PHKB: variants seen among roughly 807,000 people sequenced by gnomAD.
PHKB encodes phosphorylase b kinase regulatory subunit beta.
Under a neutral mutation model 152.1 loss-of-function variants are expected in PHKB, and 122 were observed. The observed-to-expected ratio is 0.80, with a 90% CI of 0.69 to 0.93. The LOEUF (loss-of-function observed/expected upper bound fraction) is 0.93. Ranked by LOEUF, PHKB falls within the 40% of genes least tolerant of loss-of-function variation. The pLI, the probability that PHKB is intolerant of heterozygous loss-of-function variation, is 0.00. For synonymous variants in PHKB, 436 were observed against 464.9 expected (o/e 0.94, Z 0.80); for missense variants, 1,304 against 1,328.4 (o/e 0.98, Z 0.29).
rs1970858920 is a variant in PHKB, at chr16:47,531,360, T to C, written c.594+15759T>C. On this transcript the variant is annotated intron_variant, in intron 6 of 30. Transcript: ENST00000323584. ...GCAAGGGTGTTCAAACTTTTTGATC[T>C]CAAGGTCCTTTATATTCTTAAAATT... Among the ~76,000 whole-genome samples, 3 of 152,344 alleles carry C rather than the reference T, an allele frequency of 2.0e-5. No individual in the cohort carries two copies. In the South Asian group the frequency reaches 6.2e-4, roughly 32 times the overall value.
intron 14 of PHKB, among the ~76,000 whole-genome samples, chr16:47,640,459 T>C (rs1039681710): frequency 3.3e-5 from 5 of 152,188 alleles, no homozygotes; most frequent in Non-Finnish European, 5.9e-5. Flanking sequence ...TTAGAACTAT[T>C]AAGTCCAACA....
intron 7 of PHKB, chr16:47,565,733 CT>C (rs1482659390): frequency 6.7e-6 from 10 of 1,485,110 alleles, no homozygotes; most frequent in Non-Finnish European, 9.3e-6. Flanking sequence ...CTAGTTTTGG[CT>C]CATCCAGCTG....
At chr16:47,594,055 G>T (rs951795521) in intron 11 of PHKB, 82 bp from the exon 12 acceptor site, 5 of 719,900 alleles carry the variant, frequency 6.9e-6, no homozygotes, top group Non-Finnish European at 1.2e-5. Context: ...TTGTAACTGG[G>T]CTAATATATT....
intron 8 of PHKB, among the ~76,000 whole-genome samples, chr16:47,582,479 T>G (rs751599428): frequency 6.6e-6 from 1 of 152,208 alleles, no homozygotes; most frequent in Non-Finnish European, 1.5e-5. Flanking sequence ...GCTGATATTG[T>G]TCCTCAGCCA....
rs1329011784 is a variant in PHKB at position 47,699,638 on chromosome 16, A to G, written c.*272A>G. On this transcript the variant is annotated 3_prime_UTR_variant, in exon 31 of 31. Transcript: ENST00000323584. ...TGATAAAAATAGTTTATGAATTGAA[A>G]ATTTGCCGCTGCATGTTGTATGATC... 2 of 469,430 alleles carry G rather than the reference A, an allele frequency of 4.3e-6. No individual in the cohort carries two copies. Among genetic ancestry groups the G allele is most frequent in the African/African-American group, 2.0e-5 (1 of 51,062 alleles). The allele number at this position is 469,430 out of a possible 1,614,324, so 29.1% of individuals were successfully genotyped here.
intron 1 of PHKB, among the ~76,000 whole-genome samples, chr16:47,484,046 AAAT>A (rs1970010110): frequency 6.6e-6 from 1 of 152,212 alleles, no homozygotes; most frequent in Non-Finnish European, 1.5e-5. Context: ...GACCTCACAG[AAAT>A]CATACAAAAT....
chr16:47,630,898 C>A (rs1255620041), intron 14 of PHKB, among the ~76,000 whole-genome samples: 1 of 152,102 alleles, frequency 6.6e-6, no homozygotes, highest in Non-Finnish European at 1.5e-5. Context: ...GGGACATGGG[C>A]TTTTTTCCTG....
chr16:47,572,276 T>C (rs1971673999), intron 7 of PHKB, among the ~76,000 whole-genome samples: 1 of 152,174 alleles, frequency 6.6e-6, no homozygotes, highest in South Asian at 2.1e-4. Flanking sequence ...GGCTAGAGAA[T>C]ACCCTTTCCA....
intron 7 of PHKB, chr16:47,566,303 G>C: frequency 9.3e-7 from 1 of 1,076,680 alleles, no homozygotes; most frequent in Non-Finnish European, 1.4e-6. Context: ...GAGCCCTTCA[G>C]TCTGTATCTG....
intron 1 of PHKB, among the ~76,000 whole-genome samples, chr16:47,497,140 A>G (rs747206124): frequency 3.9e-5 from 6 of 152,224 alleles, no homozygotes; most frequent in Non-Finnish European, 5.9e-5. Flanking sequence ...CCATGTACAC[A>G]TCAGTTAGTT....
intron 14 of PHKB, among the ~76,000 whole-genome samples, chr16:47,626,993 C>T (rs1234136698): frequency 2.6e-5 from 4 of 152,164 alleles, no homozygotes; most frequent in South Asian, 2.1e-4. Context: ...ACTGGACTTG[C>T]TTCTTTTTCT....
intron 7 of PHKB, chr16:47,547,844 A>G (rs943940557): frequency 2.8e-6 from 1 of 353,508 alleles, no homozygotes; most frequent in African/African-American, 2.1e-5. Context: ...CAACCAAGTC[A>G]TTTTCTTTTT....
rs1971727821 is a variant in PHKB at position 47,575,082 on chromosome 16, T to C, written c.711-5213T>C. 2.0e-5 allele frequency among the ~76,000 whole-genome samples: 3 copies of C among 152,140 alleles called. No individual in the cohort carries two copies. In the South Asian group the frequency reaches 6.2e-4, roughly 31 times the overall value. ...AATCAAATTGCAGAATTTATACAAA[T>C]GGCCAACAAGCATGTGAAAAAATGC... On this transcript the variant is annotated intron_variant, in intron 7 of 30. Transcript: ENST00000323584.
In PHKB at chr16:47,693,383, G is replaced by C. The variant is rs1378068034; in HGVS notation, c.2771G>C (p.Trp924Ser). 9 of 1,614,004 alleles carry C rather than the reference G, an allele frequency of 5.6e-6. No homozygotes were observed. The highest frequency in any genetic ancestry group is 6.8e-6 in the Non-Finnish European group (8 of 1,179,956). ...ILQPQQNGRC[W>S]LNRRQIDGSL... is the part of the protein sequence containing the mutation. The stretch of plus-strand genomic sequence containing the variant: ...ACATTTGCCTTTTGTTACAGATGTT[G>C]GCTGAACAGGCGTCAGATCGATGGG... Residue 924 changes from tryptophan (W) to serine (S), a missense_variant, in exon 28 of 31, where the codon TGG becomes TCG. Transcript: ENST00000323584.
At chr16:47,625,268 G>A (rs1341694483) in intron 14 of PHKB, among the ~76,000 whole-genome samples, 1 of 152,158 alleles carries the variant, frequency 6.6e-6, no homozygotes, top group Non-Finnish European at 1.5e-5. Flanking sequence ...GTTTAGGCAG[G>A]GCCTGGCCCA....
intron 4 of PHKB, among the ~76,000 whole-genome samples, chr16:47,507,100 A>C (rs1239100077): frequency 1.3e-5 from 2 of 152,034 alleles, no homozygotes; most frequent in Non-Finnish European, 2.9e-5. Flanking sequence ...CAGCCTCCCA[A>C]GTAGCTGGGG....
intron 14 of PHKB, among the ~76,000 whole-genome samples, chr16:47,637,238 G>A (rs1054640395): frequency 2.6e-5 from 4 of 152,176 alleles, no homozygotes; most frequent in Non-Finnish European, 2.9e-5. Flanking sequence ...GCTCCTCTCC[G>A]CCTTGCTCAC....
chr16:47,581,200 T>C (rs916751565), intron 8 of PHKB, among the ~76,000 whole-genome samples: 7 of 152,226 alleles, frequency 4.6e-5, no homozygotes, highest in Admixed American at 3.3e-4. Flanking sequence ...TATAATACTA[T>C]CTACTCAAGT....
At chr16:47,468,779 C>A (rs1406792592) in intron 1 of PHKB, among the ~76,000 whole-genome samples, 1 of 152,260 alleles carries the variant, frequency 6.6e-6, no homozygotes, top group Non-Finnish European at 1.5e-5. Flanking sequence ...CTCTTCTTCT[C>A]CACTGCTATC....
Sources: allele counts gnomAD v4.1 joint callset (sites outside exome capture counted in the v4.1 genomes callset), GRCh38; gene constraint gnomAD v4.1.1; transcripts MANE v1.5; gene names NCBI Gene and HGNC (gene_info 2026-07-23, HGNC 2026-07-21).